PRKD1: variants seen among roughly 807,000 people sequenced by gnomAD.
PRKD1 encodes the protein protein kinase D1.
In PRKD1, 63 loss-of-function variants were observed where a neutral mutation model predicts 95.9. The ratio of observed to expected loss-of-function variants is 0.66; its 90% CI spans 0.54 to 0.81. The LOEUF (loss-of-function observed/expected upper bound fraction) is 0.81. PRKD1 is among the 30% of genes least tolerant of loss of function. PRKD1 has a pLI of 0.00. For missense variants in PRKD1, 1,048 were observed against 1,165.3 expected, an observed-to-expected ratio of 0.90 and a Z score of 1.47; for synonymous variants, 425 against 423.1, an observed-to-expected ratio of 1.00 and a Z score of -0.05.
intron 1 of PRKD1, among the ~76,000 whole-genome samples, chr14:29,921,971 T>G (rs193224034): frequency 6.6e-6 from 1 of 152,348 alleles, no homozygotes; most frequent in Admixed American, 6.5e-5. Context: ...CAGGATATTC[T>G]TGTGAAAACT....
chr14:29,663,858 C>A lies in PRKD1; in HGVS notation c.537G>T (p.Gly179=), dbSNP rs199773575. The A allele has an allele frequency of 8.4e-5, 135 of 1,612,322 alleles. No homozygotes were observed. Among genetic ancestry groups the A allele is most frequent in the Non-Finnish European group, 1.0e-4 (119 of 1,178,874 alleles). The part of the protein sequence containing the change: ...GLVRQGLKCE[G]CGLNYHKRCA... ...ATCTCTTATGGTAATTCAGACCACA[C>A]CCTGGAAAGGGAAAATAAAAATTAT... is the stretch of plus-strand genomic sequence containing the variant. The change falls in exon 4 of 18, where the codon GGG becomes GGT. Residue 179 remains glycine (G), a splice_region_variant and synonymous_variant. Coordinates refer to ENST00000331968, the MANE Select transcript of PRKD1 (RefSeq NM_002742.3).
intron 1 of PRKD1, among the ~76,000 whole-genome samples, chr14:29,736,968 A>G (rs1202542090): frequency 6.6e-6 from 1 of 152,224 alleles, no homozygotes; most frequent in Non-Finnish European, 1.5e-5. Flanking sequence ...CTAGAAACAA[A>G]TTAATCCATG....
chr14:29,816,063 C>A (rs1890679810), intron 1 of PRKD1, among the ~76,000 whole-genome samples: 1 of 152,028 alleles, frequency 6.6e-6, no homozygotes, highest in Admixed American at 6.6e-5. Flanking sequence ...ACTAAAAATA[C>A]AAAAATTAGC....
chr14:29,586,714 T>C (rs1566468199), intron 16 of PRKD1, among the ~76,000 whole-genome samples: 1 of 152,190 alleles, frequency 6.6e-6, no homozygotes, highest in Non-Finnish European at 1.5e-5. Flanking sequence ...TGATCTTGGC[T>C]CACCGCAATC....
At chr14:29,695,311 A>C (rs936335686) in intron 2 of PRKD1, among the ~76,000 whole-genome samples, 4 of 152,166 alleles carry the variant, frequency 2.6e-5, no homozygotes, top group African/African-American at 4.8e-5. Context: ...CATTTGAACA[A>C]AAGAGTGATA....
At chr14:29,918,988 C>T (rs1349356289) in intron 1 of PRKD1, among the ~76,000 whole-genome samples, 4 of 152,130 alleles carry the variant, frequency 2.6e-5, no homozygotes, top group East Asian at 3.9e-4. Flanking sequence ...ATAATATATG[C>T]GGGGAAAAGT....
chr14:29,921,761 T>A (rs1421994926), intron 1 of PRKD1, among the ~76,000 whole-genome samples: 1 of 152,198 alleles, frequency 6.6e-6, no homozygotes, highest in African/African-American at 2.4e-5. Flanking sequence ...TATGGTCTTC[T>A]GGGGCAAGTT....
intron 1 of PRKD1, among the ~76,000 whole-genome samples, chr14:29,902,162 G>A (rs2139431284): frequency 6.6e-6 from 1 of 152,072 alleles, no homozygotes; most frequent in East Asian, 1.9e-4. Flanking sequence ...GGAAGGCTGA[G>A]GCAGGAGAAC....
At position 29,597,698 on chromosome 14, in the gene PRKD1, C is replaced by G; in HGVS notation, c.2227G>C (p.Val743Leu). 1.2e-6 allele frequency: 2 copies of G among 1,613,984 alleles called. No individual in the cohort carries two copies. Among genetic ancestry groups the G allele is most frequent in the Non-Finnish European group, 1.7e-6 (2 of 1,179,938 alleles). ...IIGEKSFRRS[V>L]VGTPAYLAPE... The stretch of plus-strand genomic sequence containing the variant: ...GCCAGGTAAGCGGGGGTACCCACCA[C>G]TGACCTCCGGAAAGACTTCTCTCCA... The change falls in exon 16 of 18, where the codon GTG (valine) becomes CTG (leucine). Residue 743 changes from valine (V) to leucine (L), a missense_variant. Coordinates refer to ENST00000331968, the MANE Select transcript of PRKD1 (RefSeq NM_002742.3).
At chr14:29,744,223 T>A (rs1435299716) in intron 1 of PRKD1, among the ~76,000 whole-genome samples, 1 of 152,210 alleles carries the variant, frequency 6.6e-6, no homozygotes, top group Non-Finnish European at 1.5e-5. Flanking sequence ...AGAACAGAAC[T>A]CTTAATTATC....
chr14:29,625,321 C>G (rs1359107567), intron 12 of PRKD1, among the ~76,000 whole-genome samples: 1 of 152,164 alleles, frequency 6.6e-6, no homozygotes, highest in Non-Finnish European at 1.5e-5. Flanking sequence ...CACTGTAGTA[C>G]TTGACCTCTC....
At chr14:29,741,848 A>C (rs1886993289) in intron 1 of PRKD1, among the ~76,000 whole-genome samples, 1 of 151,360 alleles carries the variant, frequency 6.6e-6, no homozygotes, top group Admixed American at 6.6e-5. Flanking sequence ...TCAGTGACAA[A>C]CTGATTTTTT....
chr14:29,741,862 A>T (rs1308384381), intron 1 of PRKD1, among the ~76,000 whole-genome samples: 3 of 151,854 alleles, frequency 2.0e-5, no homozygotes, highest in Non-Finnish European at 4.4e-5. Flanking sequence ...ATTTTTTTTA[A>T]AAAAACTCCC....
intron 1 of PRKD1, among the ~76,000 whole-genome samples, chr14:29,859,035 C>T (rs1182023158): frequency 6.6e-6 from 1 of 152,106 alleles, no homozygotes; most frequent in South Asian, 2.1e-4. Context: ...AAACCAATGG[C>T]AAAAAGCAGG....
chr14:29,718,555 AGG>A (rs1885735118), intron 2 of PRKD1, among the ~76,000 whole-genome samples: 1 of 151,824 alleles, frequency 6.6e-6, no homozygotes, highest in Admixed American at 6.6e-5. Flanking sequence ...AATCACAAAA[AGG>A]AAATGCTGAA....
intron 1 of PRKD1, among the ~76,000 whole-genome samples, chr14:29,873,362 C>T (rs1893178025): frequency 6.6e-6 from 1 of 152,230 alleles, no homozygotes; most frequent in African/African-American, 2.4e-5. Flanking sequence ...GCTGGAATTA[C>T]AGGCATGAGC....
At chr14:29,605,058 C>A (rs1200577512) in intron 13 of PRKD1, among the ~76,000 whole-genome samples, 1 of 152,132 alleles carries the variant, frequency 6.6e-6, no homozygotes, top group African/African-American at 2.4e-5. Context: ...ATAGAGCCCA[C>A]CTCCTTCATC....
chr14:29,700,796 G>A (rs954364565), intron 2 of PRKD1, among the ~76,000 whole-genome samples: 2 of 152,064 alleles, frequency 1.3e-5, no homozygotes, highest in Non-Finnish European at 2.9e-5. Flanking sequence ...TGAAGAAGAG[G>A]GAATTCTGTC....
At chr14:29,801,111 C>T (rs2139217888) in intron 1 of PRKD1, among the ~76,000 whole-genome samples, 1 of 151,890 alleles carries the variant, frequency 6.6e-6, no homozygotes, top group East Asian at 1.9e-4. Context: ...ATGTCTCATG[C>T]CATTGTAGAG....
Sources: gnomAD v4.1 joint callset for allele counts (sites outside exome capture counted in the v4.1 genomes callset) on GRCh38, gnomAD v4.1.1 for gene constraint, MANE v1.5 for transcripts, NCBI Gene and HGNC (gene_info 2026-07-23, HGNC 2026-07-21) for gene names.